RANBP2: variants seen among roughly 807,000 people sequenced by gnomAD.
The protein encoded by RANBP2 is RAN binding protein 2, also known as E3 SUMO-protein ligase RanBP2.
RANBP2 carries 57 observed loss-of-function variants against 303.6 expected under a neutral mutation model. The observed-to-expected ratio is 0.19, with a 90% CI of 0.15 to 0.23. The LOEUF (loss-of-function observed/expected upper bound fraction) is 0.23. Among genes scored for constraint, RANBP2 ranks in the 10% least tolerant of loss-of-function variants. The probability of loss-of-function intolerance (pLI) is 1.00; values close to 1 mark genes in which losing one functional copy is unlikely to be tolerated. For missense variants in RANBP2, 3,138 were observed against 3,780.8 expected, an observed-to-expected ratio of 0.83 and a Z score of 4.46; for synonymous variants, 1,167 against 1,301.5, an observed-to-expected ratio of 0.90 and a Z score of 2.23.
the RANBP2 span, among the ~76,000 whole-genome samples, chr2:109,041,656 G>T: frequency 6.7e-6 from 1 of 148,216 alleles, no homozygotes; most frequent in Non-Finnish European, 1.5e-5. Context: ...CGAGGAGCTC[G>T]GACTACAGGT....
At chr2:108,884,775 C>A in the RANBP2 span, 1 of 152,088 alleles carries the variant, frequency 6.6e-6, no homozygotes, top group East Asian at 1.9e-4. Flanking sequence ...CACTTGACCT[C>A]TTTTTCTCTT....
the RANBP2 span, among the ~76,000 whole-genome samples, chr2:109,140,586 T>A: frequency 2.6e-5 from 4 of 152,002 alleles, no homozygotes; most frequent in African/African-American, 9.7e-5. Flanking sequence ...TTTCACCATG[T>A]TAACCAGGAT....
the RANBP2 span, among the ~76,000 whole-genome samples, chr2:108,905,904 C>A: frequency 1.4e-5 from 2 of 145,936 alleles, no homozygotes; most frequent in Non-Finnish European, 2.9e-5. Context: ...CGGGGATGCT[C>A]GAGGGCAGGG....
the RANBP2 span, chr2:109,667,425 T>C: frequency 5.3e-6 from 2 of 375,966 alleles, 1 homozygote; most frequent in Admixed American, 9.4e-5. Flanking sequence ...ACTAGAACTA[T>C]AGGTTAGAGG....
At chr2:108,859,305 G>A in the RANBP2 span, among the ~76,000 whole-genome samples, 1 of 152,114 alleles carries the variant, frequency 6.6e-6, no homozygotes, top group African/African-American at 2.4e-5. Flanking sequence ...TTAGTCCTTT[G>A]TTGGATGCAG....
At chr2:109,261,961 C>A in the RANBP2 span, among the ~76,000 whole-genome samples, 2 of 152,134 alleles carry the variant, frequency 1.3e-5, no homozygotes, top group Non-Finnish European at 2.9e-5. Context: ...CATTCCACTT[C>A]ATTACATCAG....
At chr2:109,398,742 T>C in the RANBP2 span, 2 of 1,613,518 alleles carry the variant, frequency 1.2e-6, no homozygotes, top group East Asian at 4.5e-5. Flanking sequence ...TCAGTGCCTT[T>C]CAGCGGCGTG....
chr2:108,747,299 G>A (rs2556217), intron 8 of RANBP2, among the ~76,000 whole-genome samples: 2 of 152,150 alleles, frequency 1.3e-5, no homozygotes, highest in Non-Finnish European at 2.9e-5. Flanking sequence ...GGTCTGTTGC[G>A]TATTACCTGT....
chr2:108,865,070 C>G, the RANBP2 span, among the ~76,000 whole-genome samples: 1 of 152,238 alleles, frequency 6.6e-6, no homozygotes, highest in South Asian at 2.1e-4. Flanking sequence ...CAACTGCAGA[C>G]ACACACACAA....
At chr2:108,930,023 A>G in the RANBP2 span, 1 of 1,435,218 alleles carries the variant, frequency 7.0e-7, no homozygotes. Context: ...ATACCCTGGC[A>G]TCCCCTCACA....
At chr2:109,437,198 G>C in the RANBP2 span, 24 of 1,547,374 alleles carry the variant, frequency 1.6e-5, no homozygotes, top group Non-Finnish European at 2.1e-5. Flanking sequence ...GGGCTTCCTG[G>C]GACATGCTTG....
the RANBP2 span, among the ~76,000 whole-genome samples, chr2:109,089,442 TAA>T: frequency 2.1e-5 from 3 of 143,530 alleles, no homozygotes; most frequent in South Asian, 2.2e-4. Flanking sequence ...CATCTCTATT[TAA>T]AAAAAAAAAA....
the RANBP2 span, among the ~76,000 whole-genome samples, chr2:109,421,829 G>A: frequency 6.6e-6 from 1 of 152,232 alleles, no homozygotes. Flanking sequence ...CATGACCTGT[G>A]ACTGGTGATG....
chr2:109,736,716 T>C, the RANBP2 span, among the ~76,000 whole-genome samples: 1 of 152,184 alleles, frequency 6.6e-6, no homozygotes, highest in East Asian at 1.9e-4. Flanking sequence ...ACTGTCATTT[T>C]CCCAGAGAAT....
chr2:108,781,985 C>CTAAGATATA (rs1307212752), intron 26 of RANBP2, 143 bp from the exon 27 acceptor site: 1 of 880,758 alleles, frequency 1.1e-6, no homozygotes, highest in Non-Finnish European at 1.7e-6. Flanking sequence ...ATTCCTAGCC[C>CTAAGATATA]TAAGATATAT....
the RANBP2 span, among the ~76,000 whole-genome samples, chr2:109,375,605 C>A: frequency 6.6e-6 from 1 of 152,232 alleles, no homozygotes; most frequent in African/African-American, 2.4e-5. Context: ...TGAGGATGAG[C>A]CAGTCTGAGG....
At chr2:108,997,210 G>C in the RANBP2 span, among the ~76,000 whole-genome samples, 1 of 152,100 alleles carries the variant, frequency 6.6e-6, no homozygotes, top group African/African-American at 2.4e-5. Context: ...GGGAGGCTGA[G>C]GTGGGCAAAT....
At chr2:109,401,580 C>G in the RANBP2 span, among the ~76,000 whole-genome samples, 1 of 152,184 alleles carries the variant, frequency 6.6e-6, no homozygotes, top group African/African-American at 2.4e-5. Context: ...CTCGGTGTTC[C>G]TTGGAGTTCT....
the RANBP2 span, among the ~76,000 whole-genome samples, chr2:108,965,060 T>C: frequency 2.7e-3 from 412 of 152,296 alleles, 4 homozygotes; most frequent in African/African-American, 9.2e-3. Flanking sequence ...CAAACATTTT[T>C]TAACTATGCC....
Sources: allele counts gnomAD v4.1 joint callset (sites outside exome capture counted in the v4.1 genomes callset), GRCh38; gene constraint gnomAD v4.1.1; transcripts MANE v1.5; gene names NCBI Gene and HGNC (gene_info 2026-07-23, HGNC 2026-07-21).